IGF2BP3: variants seen among roughly 807,000 people sequenced by gnomAD.
IGF2BP3 encodes insulin-like growth factor 2 mRNA-binding protein 3.
In IGF2BP3, 9 loss-of-function variants were observed where a neutral mutation model predicts 73.8. The observed-to-expected ratio is 0.12, with a 90% CI of 0.07 to 0.21. IGF2BP3 has a LOEUF of 0.21. Ranked by LOEUF, IGF2BP3 falls within the 10% of genes least tolerant of loss-of-function variation. The probability of loss-of-function intolerance (pLI) is 1.00; values close to 1 mark genes in which losing one functional copy is unlikely to be tolerated. For missense variants in IGF2BP3, 542 were observed against 714.0 expected (o/e 0.76, Z 2.75); for synonymous variants, 258 against 256.7 (o/e 1.01, Z -0.05).
intron 2 of IGF2BP3, among the ~76,000 whole-genome samples, chr7:23,460,197 C>CAA (rs61675193): frequency 2.6e-5 from 3 of 113,326 alleles, no homozygotes; most frequent in Non-Finnish European, 3.5e-5. Flanking sequence ...AAAAAAAAAA[C>CAA]AAAAACGAAA....
chr7:23,376,651 G>C (rs552799365), intron 3 of IGF2BP3, among the ~76,000 whole-genome samples: 5 of 152,118 alleles, frequency 3.3e-5, no homozygotes, highest in Admixed American at 2.0e-4. Flanking sequence ...CGGATCGCTT[G>C]AGTCCAGCAA....
At chr7:23,389,456 C>A (rs1446166355) in intron 3 of IGF2BP3, among the ~76,000 whole-genome samples, 2 of 151,930 alleles carry the variant, frequency 1.3e-5, no homozygotes, top group Admixed American at 6.6e-5. Context: ...CCACCATACC[C>A]GACTAACTCC....
chr7:23,338,660 G>A (rs538617993), intron 10 of IGF2BP3, among the ~76,000 whole-genome samples: 8 of 152,164 alleles, frequency 5.3e-5, no homozygotes, highest in Admixed American at 2.0e-4. Flanking sequence ...GCTACACATT[G>A]GAGTCATCTC....
intron 3 of IGF2BP3, among the ~76,000 whole-genome samples, chr7:23,363,685 C>A (rs1785290659): frequency 1.3e-5 from 2 of 152,202 alleles, no homozygotes; most frequent in African/African-American, 4.8e-5. Flanking sequence ...CACAGAAGCA[C>A]ATTAATCTTT....
chr7:23,441,566 C>T (rs910456631), intron 2 of IGF2BP3, among the ~76,000 whole-genome samples: 1 of 109,986 alleles, frequency 9.1e-6, no homozygotes, highest in African/African-American at 3.6e-5. Context: ...GAGTGAGACT[C>T]CATCTCTTAA....
chr7:23,434,022 G>C (rs1195841006), intron 2 of IGF2BP3, among the ~76,000 whole-genome samples: 7 of 150,720 alleles, frequency 4.6e-5, no homozygotes, highest in African/African-American at 1.2e-4. Context: ...AGGTTACAGT[G>C]AGACAAGATT....
intron 10 of IGF2BP3, among the ~76,000 whole-genome samples, chr7:23,336,721 G>T (rs981796334): frequency 4.6e-5 from 7 of 152,308 alleles, no homozygotes; most frequent in Middle Eastern, 3.4e-3. Flanking sequence ...GCCGAGATGG[G>T]TGGATCACTT....
intron 3 of IGF2BP3, among the ~76,000 whole-genome samples, chr7:23,394,194 A>T (rs1311247667): frequency 6.6e-6 from 1 of 152,222 alleles, no homozygotes; most frequent in African/African-American, 2.4e-5. Context: ...CGCTATTTAT[A>T]ATCAGCAAGA....
intron 3 of IGF2BP3, among the ~76,000 whole-genome samples, chr7:23,387,023 C>T (rs575595178): frequency 1.3e-5 from 2 of 148,476 alleles, no homozygotes; most frequent in East Asian, 4.0e-4. Context: ...GCAGAGATCA[C>T]GTCACTGCAC....
chr7:23,395,787 G>T (rs368740407), intron 3 of IGF2BP3, among the ~76,000 whole-genome samples: 1 of 151,830 alleles, frequency 6.6e-6, no homozygotes, highest in African/African-American at 2.4e-5. Context: ...TTAGCTGGGC[G>T]TGGTGACAGG....
At chr7:23,389,155 TCC>T (rs1040219735) in intron 3 of IGF2BP3, among the ~76,000 whole-genome samples, 3 of 126,206 alleles carry the variant, frequency 2.4e-5, no homozygotes, top group African/African-American at 7.6e-5. Flanking sequence ...TGAGAATTAT[TCC>T]CTTTTTTTTT....
intron 3 of IGF2BP3, among the ~76,000 whole-genome samples, chr7:23,373,225 A>C (rs1051054112): frequency 6.6e-6 from 1 of 152,208 alleles, no homozygotes; most frequent in African/African-American, 2.4e-5. Flanking sequence ...AGCCAGCATT[A>C]ACTTGTGCTA....
At chr7:23,457,362 G>A (rs942133518) in intron 2 of IGF2BP3, among the ~76,000 whole-genome samples, 7 of 151,990 alleles carry the variant, frequency 4.6e-5, no homozygotes, top group Admixed American at 2.6e-4. Context: ...CTGCTCAGGA[G>A]GCTGAAGCAT....
At position 23,311,421 on chromosome 7, in the gene IGF2BP3, A is replaced by T. The variant is rs2268743; in HGVS notation, c.*941T>A. 1 of 152,612 alleles carries T rather than the reference A, an allele frequency of 6.6e-6. No homozygotes were observed. The highest frequency in any genetic ancestry group is 2.4e-5 in the African/African-American group (1 of 41,442). 9.5% of individuals were successfully genotyped at this position (152,612 alleles called of 1,614,324 possible). A position where few individuals can be genotyped will look rare whatever the true frequency, so the allele number is the denominator to read the frequency against. On this transcript the variant is annotated 3_prime_UTR_variant, in exon 15 of 15. Transcript: ENST00000258729. Reference sequence around the variant, plus strand: ...AATCATGTAGCTAAACAAAAAACTGAAGTCTCCTGAAGCCATTTAAACCAG... The same window carrying T: ...AATCATGTAGCTAAACAAAAAACTGTAGTCTCCTGAAGCCATTTAAACCAG...
intron 5 of IGF2BP3, among the ~76,000 whole-genome samples, chr7:23,355,433 G>C (rs779024309): frequency 4.0e-5 from 6 of 151,866 alleles, no homozygotes; most frequent in Non-Finnish European, 5.9e-5. Flanking sequence ...GTTTCACCAT[G>C]TTGGTCAGGC....
intron 10 of IGF2BP3, among the ~76,000 whole-genome samples, chr7:23,338,136 T>C (rs556660575): frequency 1.3e-5 from 2 of 152,302 alleles, no homozygotes; most frequent in South Asian, 4.1e-4. Context: ...CAGAGGTTTT[T>C]GGCATGATAT....
At chr7:23,339,790 T>TC (rs1784663018) in intron 10 of IGF2BP3, among the ~76,000 whole-genome samples, 2 of 152,198 alleles carry the variant, frequency 1.3e-5, no homozygotes, top group Non-Finnish European at 2.9e-5. Flanking sequence ...GATCAGCTCA[T>TC]TGTACCTTTT....
At chr7:23,405,891 G>T (rs1171910165) in intron 3 of IGF2BP3, among the ~76,000 whole-genome samples, 3 of 152,244 alleles carry the variant, frequency 2.0e-5, no homozygotes, top group Admixed American at 2.0e-4. Context: ...TGAAACTAAA[G>T]GTTGAGCAAG....
intron 3 of IGF2BP3, among the ~76,000 whole-genome samples, chr7:23,418,260 C>T (rs1196970783): frequency 6.6e-6 from 1 of 152,150 alleles, no homozygotes; most frequent in Non-Finnish European, 1.5e-5. Flanking sequence ...GTCTCAGATT[C>T]TCACCATGAC....
Sources: gnomAD v4.1 joint callset for allele counts (sites outside exome capture counted in the v4.1 genomes callset) on GRCh38, gnomAD v4.1.1 for gene constraint, MANE v1.5 for transcripts, NCBI Gene and HGNC (gene_info 2026-07-23, HGNC 2026-07-21) for gene names.